PHKB: variants seen among roughly 807,000 people sequenced by gnomAD.
PHKB encodes the protein phosphorylase b kinase regulatory subunit beta.
Under a neutral mutation model 152.1 loss-of-function variants are expected in PHKB, and 122 were observed. That is an observed-to-expected ratio of 0.80 (90% CI 0.69 to 0.93). The LOEUF is 0.93. Among genes scored for constraint, PHKB ranks in the 40% least tolerant of loss-of-function variants. The pLI is 0.00. For missense variants in PHKB, 1,304 were observed against 1,328.4 expected, an observed-to-expected ratio of 0.98 and a Z score of 0.29; for synonymous variants, 436 against 464.9, an observed-to-expected ratio of 0.94 and a Z score of 0.80.
chr16:47,512,119 G>A (rs977833585), intron 5 of PHKB, among the ~76,000 whole-genome samples: 2 of 152,186 alleles, frequency 1.3e-5, no homozygotes, highest in African/African-American at 4.8e-5. Flanking sequence ...AACAGGATGT[G>A]GACCCATAGC....
chr16:47,485,825 T>G (rs1259069928), intron 1 of PHKB, among the ~76,000 whole-genome samples: 5 of 152,106 alleles, frequency 3.3e-5, no homozygotes, highest in Non-Finnish European at 7.4e-5. Context: ...TTCGCCATGT[T>G]GCCAAGGCCG....
intron 30 of PHKB, 58 bp from the exon 31 acceptor site, chr16:47,699,171 C>T: frequency 6.5e-7 from 1 of 1,535,670 alleles, no homozygotes; most frequent in Non-Finnish European, 9.0e-7. Flanking sequence ...ACAGATTTTA[C>T]CTGTCAACTC....
intron 14 of PHKB, among the ~76,000 whole-genome samples, chr16:47,625,589 C>T (rs944336960): frequency 6.6e-6 from 1 of 152,190 alleles, no homozygotes; most frequent in African/African-American, 2.4e-5. Context: ...GACCTTAGCA[C>T]ACTCCTTTTA....
intron 2 of PHKB, among the ~76,000 whole-genome samples, chr16:47,497,854 C>T (rs1970258954): frequency 6.6e-6 from 1 of 152,086 alleles, no homozygotes; most frequent in African/African-American, 2.4e-5. Context: ...TAGTCCTAAA[C>T]TTTTTATATC....
chr16:47,671,991 T>C (rs1295200569), intron 26 of PHKB, among the ~76,000 whole-genome samples: 1 of 152,132 alleles, frequency 6.6e-6, no homozygotes. Flanking sequence ...GTGTAATGTA[T>C]GTGTGCAAAA....
chr16:47,510,371 C>G (rs1970490031), intron 4 of PHKB, among the ~76,000 whole-genome samples: 1 of 152,308 alleles, frequency 6.6e-6, no homozygotes, highest in African/African-American at 2.4e-5. Context: ...GTTGGTTCCT[C>G]TGTCAATCAG....
At chr16:47,564,636 A>C (rs1971534204) in intron 7 of PHKB, among the ~76,000 whole-genome samples, 1 of 151,988 alleles carries the variant, frequency 6.6e-6, no homozygotes, top group African/African-American at 2.4e-5. Flanking sequence ...TTTTTGTTAC[A>C]TTTGCTTTTG....
chr16:47,589,159 A>G, intron 10 of PHKB, 57 bp downstream of exon 10: 1 of 1,304,394 alleles, frequency 7.7e-7, no homozygotes, highest in Non-Finnish European at 1.1e-6. Flanking sequence ...GCACAGATTC[A>G]GGAGACTGAC....
chr16:47,563,948 A>C (rs1390829702), intron 7 of PHKB, among the ~76,000 whole-genome samples: 3 of 150,752 alleles, frequency 2.0e-5, no homozygotes, highest in African/African-American at 2.4e-5. Flanking sequence ...ACCTAGGATA[A>C]GGCCCCCAAT....
intron 12 of PHKB, among the ~76,000 whole-genome samples, chr16:47,595,030 T>G (rs1177461535): frequency 6.6e-6 from 1 of 152,252 alleles, no homozygotes; most frequent in Non-Finnish European, 1.5e-5. Flanking sequence ...GGATAAACAT[T>G]GATTTCAAAG....
At chr16:47,619,860 AC>A (rs1293135464) in intron 14 of PHKB, among the ~76,000 whole-genome samples, 5 of 152,220 alleles carry the variant, frequency 3.3e-5, no homozygotes, top group Non-Finnish European at 5.9e-5. Context: ...ATTTTGCGTT[AC>A]AGTTGTCCAC....
intron 26 of PHKB, among the ~76,000 whole-genome samples, chr16:47,669,947 C>T (rs1973610178): frequency 6.6e-6 from 1 of 152,166 alleles, no homozygotes; most frequent in African/African-American, 2.4e-5. Flanking sequence ...TATGAGGCAG[C>T]ATGGTGTAGG....
intron 1 of PHKB, among the ~76,000 whole-genome samples, chr16:47,473,355 G>A (rs1165915461): frequency 5.3e-5 from 8 of 149,536 alleles, no homozygotes; most frequent in South Asian, 2.1e-4. Flanking sequence ...GATTATAGGC[G>A]TGAGCCACTG....
At chr16:47,674,400 G>A (rs541560912) in intron 26 of PHKB, among the ~76,000 whole-genome samples, 36 of 152,268 alleles carry the variant, frequency 2.4e-4, no homozygotes, top group South Asian at 1.9e-3. Flanking sequence ...AGTAGTGGCT[G>A]AAACCACAAT....
At chr16:47,594,812 A>G (rs1015160419) in intron 12 of PHKB, among the ~76,000 whole-genome samples, 5 of 152,142 alleles carry the variant, frequency 3.3e-5, no homozygotes, top group African/African-American at 1.2e-4. Flanking sequence ...GTATAACTGG[A>G]AAACCAATTT....
In PHKB at chr16:47,693,476, G is replaced by A; in HGVS notation, c.2864G>A (p.Gly955Glu). The A allele has an allele frequency of 6.2e-7, 1 of 1,614,016 alleles. No homozygotes were observed. The highest frequency in any genetic ancestry group is 1.7e-5 in the Admixed American group (1 of 59,996). Reference protein sequence around the residue: ...VWQILERTPNGIIVAGKHLPQ... With the variant: ...VWQILERTPNEIIVAGKHLPQ... ...CAGATTCTGGAGCGCACGCCCAATG[G>A]GATCATTGTTGCTGGGAAGCATTTG... is the stretch of plus-strand genomic sequence containing the variant. Residue 955 changes from glycine (G) to glutamate (E), a missense_variant, in exon 28 of 31, where the codon GGG becomes GAG. Transcript: ENST00000323584.
chr16:47,563,536 T>G (rs1427510930), intron 7 of PHKB, among the ~76,000 whole-genome samples: 1 of 152,180 alleles, frequency 6.6e-6, no homozygotes, highest in Non-Finnish European at 1.5e-5. Flanking sequence ...CTTAAAATAT[T>G]CAGGAAACCA....
At position 47,539,707 on chromosome 16, in the gene PHKB, G is replaced by A. The variant is rs566467387; in HGVS notation, c.595-7726G>A. Among the ~76,000 whole-genome samples the A allele has an allele frequency of 9.2e-5, 14 of 152,270 alleles. No homozygotes were observed. The South Asian group carries it at 2.9e-3, about 32-fold the overall frequency. The stretch of plus-strand genomic sequence containing the variant: ...AACGGAGGGACTGGCTGGAGCCACG[G>A]CAGAGGAACATAAATTGTGAAGATT... On this transcript the variant is annotated intron_variant, in intron 6 of 30. Transcript: ENST00000323584.
At chr16:47,552,369 A>G (rs760283162) in intron 7 of PHKB, among the ~76,000 whole-genome samples, 7 of 152,044 alleles carry the variant, frequency 4.6e-5, no homozygotes, top group Non-Finnish European at 1.0e-4. Context: ...TCCTTTCCAT[A>G]TGTAGTGCTT....
Sources: gnomAD v4.1 joint callset for allele counts (sites outside exome capture counted in the v4.1 genomes callset) on GRCh38, gnomAD v4.1.1 for gene constraint, MANE v1.5 for transcripts, NCBI Gene and HGNC (gene_info 2026-07-23, HGNC 2026-07-21) for gene names.